The following NF1 variants were observed in gnomAD, a reference collection of about 807,000 sequenced individuals.
NF1 encodes neurofibromin 1, also known as neurofibromin.
Under a neutral mutation model 325.7 loss-of-function variants are expected in NF1, and 122 were observed. The observed-to-expected ratio is 0.37, with a 90% CI of 0.32 to 0.44. The LOEUF (loss-of-function observed/expected upper bound fraction) is 0.44, where lower values mean the gene tolerates loss of function less well. NF1 is among the 20% of genes least tolerant of loss of function. NF1 has a pLI of 1.00. For missense variants in NF1, 2,140 were observed against 3,415.4 expected (o/e 0.63, Z 9.31); for synonymous variants, 1,091 against 1,186.0 (o/e 0.92, Z 1.65).
At chr17:31,260,812 A>G (rs1308052704) in intron 34 of NF1, among the ~76,000 whole-genome samples, 1 of 152,250 alleles carries the variant, frequency 6.6e-6, no homozygotes, top group Non-Finnish European at 1.5e-5. Context: ...GATCCAAAGA[A>G]GTTCAGATTA....
chr17:31,311,522 C>A (rs775850259), intron 36 of NF1, among the ~76,000 whole-genome samples: 4 of 152,136 alleles, frequency 2.6e-5, no homozygotes, highest in African/African-American at 9.7e-5. Flanking sequence ...AAAGAAAAAA[C>A]CAGCCATTCT....
chr17:31,098,763 C>G (rs998400642), intron 1 of NF1, among the ~76,000 whole-genome samples: 2 of 151,836 alleles, frequency 1.3e-5, no homozygotes, highest in African/African-American at 4.8e-5. Context: ...GAAACCCCAT[C>G]TCTACTAAAA....
chr17:31,116,606 T>C (rs1018950807), intron 1 of NF1, among the ~76,000 whole-genome samples: 5 of 152,092 alleles, frequency 3.3e-5, no homozygotes, highest in African/African-American at 1.2e-4. Context: ...ATAGTTACTT[T>C]TATCACTCAA....
intron 1 of NF1, among the ~76,000 whole-genome samples, chr17:31,134,709 G>C (rs908730128): frequency 1.3e-5 from 2 of 152,174 alleles, no homozygotes; most frequent in African/African-American, 2.4e-5. Flanking sequence ...TTGGCAGGAG[G>C]CCTCAGTTCT....
At chr17:31,152,205 T>C (rs1220273099) in intron 1 of NF1, among the ~76,000 whole-genome samples, 1 of 152,048 alleles carries the variant, frequency 6.6e-6, no homozygotes, top group Non-Finnish European at 1.5e-5. Flanking sequence ...ATGTCCTCTT[T>C]CTGCCTGTAA....
At chr17:31,183,955 A>G (rs1289492042) in intron 8 of NF1, among the ~76,000 whole-genome samples, 2 of 152,112 alleles carry the variant, frequency 1.3e-5, no homozygotes, top group Non-Finnish European at 2.9e-5. Flanking sequence ...GTGCTAGTTA[A>G]TAGTTAATAT....
At chr17:31,256,222 C>T (rs1454411136) in intron 31 of NF1, among the ~76,000 whole-genome samples, 1 of 152,196 alleles carries the variant, frequency 6.6e-6, no homozygotes, top group Non-Finnish European at 1.5e-5. Context: ...ACTGCAACCT[C>T]CACCTCCTGG....
At chr17:31,129,545 T>C (rs1311611778) in intron 1 of NF1, among the ~76,000 whole-genome samples, 1 of 150,668 alleles carries the variant, frequency 6.6e-6, no homozygotes, top group African/African-American at 2.4e-5. Flanking sequence ...TTCTCCTGCC[T>C]CAGCCTCCTG....
chr17:31,319,189 G>C (rs1482768997), intron 36 of NF1, among the ~76,000 whole-genome samples: 1 of 152,084 alleles, frequency 6.6e-6, no homozygotes, highest in African/African-American at 2.4e-5. Context: ...TTTCTATTCA[G>C]CTATGTATGA....
Position 31,352,384 on chromosome 17 carries a change from C to T in NF1, c.7585C>T (p.Pro2529Ser), listed in dbSNP as rs1555536370. Residue 2529 changes from proline (P) to serine (S), a missense_variant, in exon 51 of 58, where the codon CCT (proline) becomes TCT (serine). Pro to Ser is a moderately conservative substitution (Grantham distance 74). Coordinates refer to ENST00000358273, the MANE Select transcript of NF1 (RefSeq NM_001042492.3). ...ATCCATGAGCCTGGACATGGGGCAACCTTCTCAGGCCAACACTAAGAAGTT... is the reference window on the plus strand; with the variant it reads ...ATCCATGAGCCTGGACATGGGGCAATCTTCTCAGGCCAACACTAAGAAGTT... ...RKSMSLDMGQ[P>S]SQANTKKLLG... 3 of 1,613,802 alleles carry T rather than the reference C, an allele frequency of 1.9e-6. No homozygotes were observed. Among genetic ancestry groups the T allele is most frequent in the African/African-American group, 1.3e-5 (1 of 74,890 alleles).
chr17:31,354,944 A>G (rs2070235953), intron 51 of NF1, among the ~76,000 whole-genome samples: 3 of 152,218 alleles, frequency 2.0e-5, no homozygotes, highest in Admixed American at 2.0e-4. Context: ...TTTTAGTTTT[A>G]AAAACTGTCT....
chr17:31,135,808 C>T (rs1915724027), intron 1 of NF1, among the ~76,000 whole-genome samples: 1 of 151,900 alleles, frequency 6.6e-6, no homozygotes, highest in African/African-American at 2.4e-5. Context: ...AACTCCTGAG[C>T]TCAAGCGATC....
intron 36 of NF1, among the ~76,000 whole-genome samples, chr17:31,308,843 T>C (rs1195786149): frequency 6.6e-6 from 1 of 152,208 alleles, no homozygotes; most frequent in East Asian, 1.9e-4. Context: ...AATTCATGTA[T>C]GTATCTCACT....
intron 1 of NF1, among the ~76,000 whole-genome samples, chr17:31,131,469 C>T (rs1413251476): frequency 3.3e-5 from 5 of 152,348 alleles, no homozygotes; most frequent in African/African-American, 7.2e-5. Flanking sequence ...CTCGTCAGTT[C>T]AGCATCTGTG....
At position 31,226,105 on chromosome 17, in the gene NF1, A is replaced by G. The variant is rs17887242; in HGVS notation, c.2002-330A>G. ...GTACATTATATTGTTACTGCAGTAGATTTACGTTATGGTGTTTACCTGTCC... is the reference window on the plus strand; with the variant it reads ...GTACATTATATTGTTACTGCAGTAGGTTTACGTTATGGTGTTTACCTGTCC... On this transcript the variant is annotated intron_variant, in intron 17 of 57. Transcript: ENST00000358273. Among the ~76,000 whole-genome samples the G allele has an allele frequency of 0.018, 2,729 of 151,980 alleles. 83 individuals carry two copies. Among genetic ancestry groups the G allele is most frequent in the African/African-American group, 0.063 (2,592 of 41,414 alleles).
chr17:31,251,460 T>G (rs1463654024), intron 30 of NF1: 1 of 195,874 alleles, frequency 5.1e-6, no homozygotes, highest in Non-Finnish European at 1.1e-5. Context: ...TATTTAAGAA[T>G]AGCCAACTGT....
chr17:31,217,397 C>T (rs1330607679), intron 13 of NF1, among the ~76,000 whole-genome samples: 4 of 151,718 alleles, frequency 2.6e-5, no homozygotes, highest in South Asian at 2.1e-4. Flanking sequence ...CTGCAACCTC[C>T]GCCTCCTGGG....
intron 1 of NF1, among the ~76,000 whole-genome samples, chr17:31,153,619 G>A (rs996474998): frequency 2.6e-5 from 4 of 152,004 alleles, no homozygotes; most frequent in African/African-American, 9.7e-5. Flanking sequence ...TACCACATTA[G>A]TATTTTTGTT....
In NF1 at chr17:31,374,212, C is replaced by T. The variant is rs1463072082; in HGVS notation, c.*57C>T. Reference sequence around the variant, plus strand: ...TAACATGGGCTCTTCACTAGTGACCCCTTCCCTGTCCTTGCCCTTTCCCCC... The same window carrying T: ...TAACATGGGCTCTTCACTAGTGACCTCTTCCCTGTCCTTGCCCTTTCCCCC... On this transcript the variant is annotated 3_prime_UTR_variant, in exon 58 of 58. Coordinates refer to ENST00000358273, the MANE Select transcript of NF1 (RefSeq NM_001042492.3). 2 of 1,604,842 alleles carry T rather than the reference C, an allele frequency of 1.2e-6. No homozygotes were observed. Among genetic ancestry groups the T allele is most frequent in the Non-Finnish European group, 1.7e-6 (2 of 1,172,306 alleles).
Sources: allele counts gnomAD v4.1 joint callset (sites outside exome capture counted in the v4.1 genomes callset), GRCh38; gene constraint gnomAD v4.1.1; transcripts MANE v1.5; gene names NCBI Gene and HGNC (gene_info 2026-07-23, HGNC 2026-07-21).